Variants in CLDN12 observed in about 807,000 individuals in gnomAD.
CLDN12 encodes claudin-12.
CLDN12 carries 9 observed loss-of-function variants against 15.5 expected under a neutral mutation model. The observed-to-expected ratio is 0.58, with a 90% CI of 0.35 to 1.02. The LOEUF (loss-of-function observed/expected upper bound fraction) is 1.02, where lower values mean the gene tolerates loss of function less well. Among genes scored for constraint, CLDN12 ranks in the 50% least tolerant of loss-of-function variants. The pLI is 0.02. For missense variants in CLDN12, 233 were observed against 297.3 expected, an observed-to-expected ratio of 0.78 and a Z score of 1.59; for synonymous variants, 140 against 121.6, an observed-to-expected ratio of 1.15 and a Z score of -1.00.
intron 2 of CLDN12, 48 bp downstream of exon 2, chr7:90,405,656 A>G (rs1562967514): frequency 1.3e-5 from 2 of 152,122 alleles, no homozygotes; most frequent in Admixed American, 6.6e-5. Context: ...TCCTGCTACC[A>G]CATCTGCCAA....
intron 1 of CLDN12, among the ~76,000 whole-genome samples, chr7:90,405,239 T>C (rs1174519220): frequency 6.6e-6 from 1 of 152,082 alleles, no homozygotes; most frequent in Non-Finnish European, 1.5e-5. Context: ...ATTTTTGTAT[T>C]TTTAGGAGAG....
intron 2 of CLDN12, among the ~76,000 whole-genome samples, chr7:90,408,473 C>T (rs1462917112): frequency 6.6e-6 from 1 of 152,164 alleles, no homozygotes; most frequent in Non-Finnish European, 1.5e-5. Context: ...TCATGCCCTG[C>T]ACTCCAGCTT....
chr7:90,413,818 C>T lies in CLDN12; in HGVS notation c.*407C>T. ...TTTAACTGCAAAGAAAAGGCAGTTT[C>T]AAATATAAGAAATTTATTTCAGGTA... On this transcript the variant is annotated 3_prime_UTR_variant, in exon 4 of 4. Coordinates refer to ENST00000496677, the MANE Select transcript of CLDN12 (RefSeq NM_001185072.3). 1.0e-6 allele frequency: 1 copy of T among 1,001,530 alleles called. No homozygotes were observed. 62.0% of individuals were successfully genotyped at this position (1,001,530 alleles called of 1,614,324 possible).
Position 90,412,628 on chromosome 7 carries a change from G to A in CLDN12, c.-33-16G>A, listed in dbSNP as rs1476773245. ...TTGTCCCCTCATGATTTGTCCTCTT[G>A]TGTGTCACCCCCTAGTCTGACTGAC... On this transcript the variant is annotated splice_polypyrimidine_tract_variant and intron_variant, in intron 3 of 3. Transcript: ENST00000496677. The A allele has an allele frequency of 1.9e-6, 3 of 1,573,178 alleles. No individual in the cohort carries two copies. Among genetic ancestry groups the A allele is most frequent in the Non-Finnish European group, 2.6e-6 (3 of 1,160,318 alleles).
At position 90,410,393 on chromosome 7, in the gene CLDN12, GAACT is replaced by G. The variant is rs1358745659; in HGVS notation, c.-76-1610_-76-1607del. On this transcript the variant is annotated intron_variant, in intron 2 of 3. Coordinates refer to ENST00000496677, the MANE Select transcript of CLDN12 (RefSeq NM_001185072.3). The stretch of plus-strand genomic sequence containing the variant: ...AAACTAATACTAATGGAAAAACTTA[GAACT>G]AACCATGTTTAACTTGAGGGCTTTA... 3.9e-5 allele frequency among the ~76,000 whole-genome samples: 6 copies of G among 152,246 alleles called. No individual in the cohort carries two copies. The South Asian group carries it at 6.2e-4, about 16-fold the overall frequency.
Position 90,413,062 on chromosome 7 carries a change from GT to G in CLDN12, c.387del (p.Ser129ArgfsTer18). The G allele has an allele frequency of 6.2e-7, 1 of 1,614,208 alleles. No individual in the cohort carries two copies. The highest frequency in any genetic ancestry group is 8.5e-7 in the Non-Finnish European group (1 of 1,180,042). On this transcript the variant is annotated frameshift_variant, in exon 4 of 4. Transcript: ENST00000496677. LOFTEE classifies it high-confidence loss of function. ...NIKLAKCLVN[S>X]AGCHLVAGLL... Reference sequence around the variant, plus strand: ...AAACTGGCCAAGTGTCTGGTCAATAGTGCAGGTTGCCACCTGGTGGCTGGGC... The same window carrying G: ...AAACTGGCCAAGTGTCTGGTCAATAGGCAGGTTGCCACCTGGTGGCTGGGC...
Position 90,413,151 on chromosome 7 carries a change from A to T in CLDN12, c.475A>T (p.Ile159Phe). 2 of 1,614,170 alleles carry T rather than the reference A, an allele frequency of 1.2e-6. No individual in the cohort carries two copies. Among genetic ancestry groups the T allele is most frequent in the African/African-American group, 2.7e-5 (2 of 75,046 alleles). The change falls in exon 4 of 4, where the codon ATC becomes TTC. Residue 159 changes from isoleucine to phenylalanine, a missense_variant. Ile to Phe is a conservative substitution (Grantham distance 21). Coordinates refer to ENST00000496677, the MANE Select transcript of CLDN12 (RefSeq NM_001185072.3). ...SPSIWVIFYN[I>F]HLNKKFEPVF... ...ATCTATCTGGGTCATCTTTTATAACATCCATCTGAACAAGAAGTTTGAGCC... is the reference window on the plus strand; with the variant it reads ...ATCTATCTGGGTCATCTTTTATAACTTCCATCTGAACAAGAAGTTTGAGCC...
In CLDN12 at chr7:90,403,888, A is replaced by T. The variant is rs183366011; in HGVS notation, c.-167+339A>T. ...TTCAAACCCACTCAGTGTTGCAGGGATGGGCTAGCTCTGAGAGCGTTAACA... is the reference window on the plus strand; with the variant it reads ...TTCAAACCCACTCAGTGTTGCAGGGTTGGGCTAGCTCTGAGAGCGTTAACA... On this transcript the variant is annotated intron_variant, in intron 1 of 3. Transcript: ENST00000496677. 4.6e-3 allele frequency among the ~76,000 whole-genome samples: 695 copies of T among 151,954 alleles called. 4 individuals are homozygous for T. The highest frequency in any genetic ancestry group is 0.016 in the African/African-American group (664 of 41,418).
chr7:90,412,730 C>G lies in CLDN12; in HGVS notation c.54C>G (p.Ile18Met). Residue 18 changes from isoleucine to methionine, a missense_variant, in exon 4 of 4, where the codon ATC becomes ATG. Coordinates refer to ENST00000496677, the MANE Select transcript of CLDN12 (RefSeq NM_001185072.3). The part of the protein sequence containing the change: ...AATVLSFLCG[I>M]ASVAGLFAGT... ...CAGTCCTTTCCTTCCTGTGTGGAAT[C>G]GCCTCAGTAGCAGGCCTCTTTGCAG... The G allele has an allele frequency of 6.2e-6, 10 of 1,614,134 alleles. No individual in the cohort carries two copies. The highest frequency in any genetic ancestry group is 8.5e-6 in the Non-Finnish European group (10 of 1,180,010).
Position 90,406,942 on chromosome 7 carries a change from T to C in CLDN12, c.-77+1334T>C, listed in dbSNP as rs17867116. On this transcript the variant is annotated intron_variant, in intron 2 of 3. Coordinates refer to ENST00000496677, the MANE Select transcript of CLDN12 (RefSeq NM_001185072.3). ...GTTTTTTTTTCTCCATTAAAAAAAC[T>C]ATATATTGTTTAGCTTTAATAAATA... Among the ~76,000 whole-genome samples the C allele has an allele frequency of 7.5e-3, 1,136 of 152,320 alleles. 12 individuals are homozygous for C. Among genetic ancestry groups the C allele is most frequent in the African/African-American group, 0.026 (1,094 of 41,568 alleles).
Position 90,413,286 on chromosome 7 carries a change from TCTC to T in CLDN12, c.613_615del (p.Pro205del). 1 of 1,614,184 alleles carries T rather than the reference TCTC, an allele frequency of 6.2e-7. No individual in the cohort carries two copies. Among genetic ancestry groups the T allele is most frequent in the Non-Finnish European group, 8.5e-7 (1 of 1,180,024 alleles). ...GTATTGTACATGCAAATCTTTGCCT[TCTC>T]CTTTCTGGCAACCATTGTACTCCCA... On this transcript the variant is annotated inframe_deletion, in exon 4 of 4. Transcript: ENST00000496677.
chr7:90,413,821 A>G lies in CLDN12; in HGVS notation c.*410A>G. 1 of 1,002,008 alleles carries G rather than the reference A, an allele frequency of 1.0e-6. No individual in the cohort carries two copies. Among genetic ancestry groups the G allele is most frequent in the Non-Finnish European group, 1.2e-6 (1 of 830,862 alleles). 62.1% of individuals were successfully genotyped at this position (1,002,008 alleles called of 1,614,324 possible). A position where few individuals can be genotyped will look rare whatever the true frequency, so the allele number is the denominator to read the frequency against. Reference sequence around the variant, plus strand: ...AACTGCAAAGAAAAGGCAGTTTCAAATATAAGAAATTTATTTCAGGTAAGG... The same window carrying G: ...AACTGCAAAGAAAAGGCAGTTTCAAGTATAAGAAATTTATTTCAGGTAAGG... On this transcript the variant is annotated 3_prime_UTR_variant, in exon 4 of 4. Coordinates refer to ENST00000496677, the MANE Select transcript of CLDN12 (RefSeq NM_001185072.3).
In CLDN12 at chr7:90,411,091, C is replaced by T. The variant is rs111743776; in HGVS notation, c.-76-916C>T. On this transcript the variant is annotated intron_variant, in intron 2 of 3. Coordinates refer to ENST00000496677, the MANE Select transcript of CLDN12 (RefSeq NM_001185072.3). ...TGTTTTCTAAAGAACATTGTGCCCT[C>T]CCACTGGAATTCATGCAACAATCAC... 2.1e-3 allele frequency among the ~76,000 whole-genome samples: 322 copies of T among 152,226 alleles called. 2 individuals are homozygous for T. Among genetic ancestry groups the T allele is most frequent in the African/African-American group, 7.0e-3 (290 of 41,530 alleles).
chr7:90,412,529 T>G, intron 3 of CLDN12, 115 bp from the exon 4 acceptor site: 2 of 826,374 alleles, frequency 2.4e-6, no homozygotes, highest in Non-Finnish European at 3.8e-6. Flanking sequence ...GGGAGAGACT[T>G]TCCCTCTTTG....
intron 2 of CLDN12, among the ~76,000 whole-genome samples, chr7:90,408,387 C>T (rs543365287): frequency 6.6e-6 from 1 of 152,232 alleles, no homozygotes; most frequent in East Asian, 1.9e-4. Context: ...CCTGTTATCC[C>T]AGCTACTCAG....
chr7:90,406,851 A>G (rs557186508), intron 2 of CLDN12, among the ~76,000 whole-genome samples: 123 of 152,340 alleles, frequency 8.1e-4, no homozygotes, highest in African/African-American at 2.9e-3. Flanking sequence ...CAGATTTGTT[A>G]AAGTGTTCTT....
intron 2 of CLDN12, among the ~76,000 whole-genome samples, chr7:90,411,028 C>T (rs945023244): frequency 3.3e-5 from 5 of 151,814 alleles, no homozygotes; most frequent in African/African-American, 1.2e-4. Context: ...AAAAATTATT[C>T]CTATATTATA....
rs775287956 is a variant in CLDN12, at chr7:90,413,357, C to T, written c.681C>T (p.Arg227=). 8 of 1,614,170 alleles carry T rather than the reference C, an allele frequency of 5.0e-6. No homozygotes were observed. Among genetic ancestry groups the T allele is most frequent in the Non-Finnish European group, 5.9e-6 (7 of 1,180,000 alleles). Residue 227 remains arginine (R), a synonymous_variant, in exon 4 of 4, where the codon CGC becomes CGT. Transcript: ENST00000496677. ...MHTYSQPYSA[R]SRLSAIEIDI... is the part of the protein sequence containing the mutation. ...CTTACTCACAGCCCTATTCAGCACG[C>T]TCTCGCCTCTCTGCCATTGAAATTG...
intron 2 of CLDN12, among the ~76,000 whole-genome samples, chr7:90,406,597 A>T (rs1346051917): frequency 1.3e-5 from 2 of 152,234 alleles, no homozygotes; most frequent in African/African-American, 2.4e-5. Flanking sequence ...ATTCTGGTTT[A>T]CAAAGGACTT....
Sources: allele counts gnomAD v4.1 joint callset (sites outside exome capture counted in the v4.1 genomes callset), GRCh38; gene constraint gnomAD v4.1.1; transcripts MANE v1.5; gene names NCBI Gene and HGNC (gene_info 2026-07-23, HGNC 2026-07-21).